NAV1: variants seen among roughly 807,000 people sequenced by gnomAD.
The protein encoded by NAV1 is neuron navigator 1, also known as pore membrane and/or filament interacting like protein 3.
A neutral mutation model predicts 175.2 loss-of-function variants in NAV1; 18 were observed. That is an observed-to-expected ratio of 0.10 (90% confidence interval 0.07 to 0.15). NAV1 has a LOEUF of 0.15. NAV1 is among the 10% of genes least tolerant of loss of function. The probability of loss-of-function intolerance (pLI) is 1.00; values close to 1 mark genes in which losing one functional copy is unlikely to be tolerated. For synonymous variants in NAV1, 897 were observed against 978.7 expected (o/e 0.92, Z 1.56); for missense variants, 1,731 against 2,436.6 (o/e 0.71, Z 6.10).
chr1:201,563,208 C>T lies in NAV1; in HGVS notation c.-144+23866C>T, dbSNP rs570510853. On this transcript the variant is annotated intron_variant, in intron 1 of 33. Coordinates refer to the NAV1 transcript ENST00000685211. ...ACTCAGGGCTAGCTGCCCCTGGTCA[C>T]GCTCCCCCTGTGCATCCGCGGCAGC... Among the ~76,000 whole-genome samples, 206 of 152,242 alleles carry T rather than the reference C, an allele frequency of 1.4e-3. 1 individual carries two copies. The highest frequency in any genetic ancestry group is 4.7e-3 in the African/African-American group (194 of 41,528).
At chr1:201,623,985 T>C (rs1196271483) in intron 1 of NAV1, among the ~76,000 whole-genome samples, 1 of 152,234 alleles carries the variant, frequency 6.6e-6, no homozygotes, top group Non-Finnish European at 1.5e-5. Flanking sequence ...ACCCAATTCA[T>C]TGTGGGACAT....
intron 8 of NAV1, among the ~76,000 whole-genome samples, chr1:201,785,778 A>G (rs1676697150): frequency 1.4e-5 from 2 of 143,508 alleles, no homozygotes; most frequent in South Asian, 4.4e-4. Context: ...TTGGGTGGCA[A>G]CTATTGCAAC....
Position 201,777,266 on chromosome 1 carries a change from G to A in NAV1, c.1227-3155G>A, listed in dbSNP as rs180764096. Among the ~76,000 whole-genome samples the A allele has an allele frequency of 1.1e-3, 165 of 152,240 alleles. 1 individual carries two copies. Among genetic ancestry groups the A allele is most frequent in the Non-Finnish European group, 1.4e-3 (97 of 68,012 alleles). ...ATCGCCAGGATAATGAAGTGTGGTC[G>A]CATAATGTCAACTATTCAGCAGATC... is the stretch of plus-strand genomic sequence containing the variant. On this transcript the variant is annotated intron_variant, in intron 3 of 29. Coordinates refer to ENST00000367296, the Ensembl canonical transcript of NAV1.
intron 15 of NAV1, chr1:201,795,352 C>T (rs1571501085): frequency 1.3e-5 from 2 of 152,292 alleles, no homozygotes; most frequent in South Asian, 4.1e-4. Context: ...TTATTTGTCT[C>T]CATTTTGTTG....
intron 8 of NAV1, 52 bp downstream of exon 12, chr1:201,785,403 A>G (rs767074145): frequency 6.4e-7 from 1 of 1,554,950 alleles, no homozygotes; most frequent in Non-Finnish European, 8.8e-7. Flanking sequence ...GCTGGTATGT[A>G]TGAAAAATCA....
At chr1:201,742,176 C>T (rs1018180774) in intron 3 of NAV1, among the ~76,000 whole-genome samples, 1 of 152,176 alleles carries the variant, frequency 6.6e-6, no homozygotes, top group African/African-American at 2.4e-5. Flanking sequence ...GGAGCTTAGC[C>T]CAAGCCTTTG....
chr1:201,630,150 A>C (rs1288045343), intron 2 of NAV1, among the ~76,000 whole-genome samples: 1 of 152,230 alleles, frequency 6.6e-6, no homozygotes, highest in East Asian at 1.9e-4. Context: ...ACCATAGGTC[A>C]GGCCCTAAGT....
chr1:201,729,830 C>A (rs1402802714), intron 3 of NAV1, among the ~76,000 whole-genome samples: 1 of 151,770 alleles, frequency 6.6e-6, no homozygotes, highest in South Asian at 2.1e-4. Flanking sequence ...GGCGTGAACC[C>A]GGGAGGTGGA....
At chr1:201,650,623 C>T (rs933225417) in intron 1 of NAV1, among the ~76,000 whole-genome samples, 1 of 152,194 alleles carries the variant, frequency 6.6e-6, no homozygotes, top group South Asian at 2.1e-4. Flanking sequence ...GCTCGCCGGG[C>T]GGCCCTGGAG....
intron 1 of NAV1, chr1:201,688,436 A>T (rs982644969): frequency 1.3e-5 from 2 of 152,248 alleles, no homozygotes; most frequent in African/African-American, 4.8e-5. Flanking sequence ...AGAGTGAAGA[A>T]GATGATCTGG....
At chr1:201,595,673 T>A (rs1207993262) in intron 2 of NAV1, among the ~76,000 whole-genome samples, 1 of 152,244 alleles carries the variant, frequency 6.6e-6, no homozygotes, top group Non-Finnish European at 1.5e-5. Context: ...TCTGGGAATT[T>A]CAGTTGGGTT....
chr1:201,677,678 A>G (rs747990393), intron 1 of NAV1, among the ~76,000 whole-genome samples: 1 of 152,168 alleles, frequency 6.6e-6, no homozygotes, highest in Non-Finnish European at 1.5e-5. Context: ...CCCAGGCTGA[A>G]GTGCAGTGGC....
chr1:201,677,935 C>T (rs1422133170), intron 1 of NAV1, among the ~76,000 whole-genome samples: 1 of 152,056 alleles, frequency 6.6e-6, no homozygotes, highest in Admixed American at 6.6e-5. Context: ...CGGCCAAACT[C>T]ACCTTCCTAA....
In NAV1 at chr1:201,782,239, G is replaced by C. The variant is rs759712759; in HGVS notation, c.1727G>C (p.Arg576Pro). 1 of 1,613,764 alleles carries C rather than the reference G, an allele frequency of 6.2e-7. No individual in the cohort carries two copies. Among genetic ancestry groups the C allele is most frequent in the Admixed American group, 1.7e-5 (1 of 59,954 alleles). The change falls in exon 6 of 30, where the codon CGC becomes CCC. Residue 576 changes from arginine to proline, a missense_variant. Transcript: ENST00000367296. The surrounding 1 kb of genome is among the most constrained non-coding windows in gnomAD (Gnocchi z 5.4). ...GCAGTGAAGAATACTGGGCTCCAACGCTCCTCCTCTGATGCTGGTCGGGAC... is the reference window on the plus strand; with the variant it reads ...GCAGTGAAGAATACTGGGCTCCAACCCTCCTCCTCTGATGCTGGTCGGGAC...
intron 1 of NAV1, among the ~76,000 whole-genome samples, chr1:201,545,264 T>C (rs1571813033): frequency 6.6e-6 from 1 of 152,340 alleles, no homozygotes; most frequent in Middle Eastern, 3.4e-3. Context: ...AAAGAGTGAT[T>C]GCATGAATCA....
intron 1 of NAV1, among the ~76,000 whole-genome samples, chr1:201,561,540 T>A (rs1282115100): frequency 1.3e-5 from 2 of 152,258 alleles, no homozygotes; most frequent in African/African-American, 4.8e-5. Flanking sequence ...GTATAGTAGC[T>A]GGCATATGCT....
intron 2 of NAV1, among the ~76,000 whole-genome samples, chr1:201,638,760 G>A (rs1668673041): frequency 6.6e-6 from 1 of 151,410 alleles, no homozygotes; most frequent in African/African-American, 2.4e-5. Context: ...GATAATGACA[G>A]CCCCTGCTTC....
rs1008694101 is a variant in NAV1 at position 201,787,141 on chromosome 1, T to G, written c.2995+564T>G. Among the ~76,000 whole-genome samples the G allele has an allele frequency of 5.9e-5, 9 of 152,060 alleles. No homozygotes were observed. Among genetic ancestry groups the G allele is most frequent in the African/African-American group, 1.9e-4 (8 of 41,396 alleles). ...CTAAAGCCTAGGGAGAAAGGAGAGCTAGGAAATAAGGAAGTGACTTAGAGA... is the reference window on the plus strand; with the variant it reads ...CTAAAGCCTAGGGAGAAAGGAGAGCGAGGAAATAAGGAAGTGACTTAGAGA... On this transcript the variant is annotated intron_variant, in intron 9 of 29. Coordinates refer to ENST00000367296, the Ensembl canonical transcript of NAV1. This position sits in a 1 kb window ranked among gnomAD's most constrained non-coding sequence, Gnocchi z 4.3.
chr1:201,543,955 C>A (rs577230093), intron 1 of NAV1, among the ~76,000 whole-genome samples: 1 of 152,334 alleles, frequency 6.6e-6, no homozygotes, highest in Non-Finnish European at 1.5e-5. Context: ...TTCCTGTCTT[C>A]CAGTTTCCCA....
Sources: gnomAD v4.1 joint callset for allele counts (sites outside exome capture counted in the v4.1 genomes callset) on GRCh38, gnomAD v4.1.1 for gene constraint, Gnocchi (gnomAD v3.1) non-coding constraint, MANE v1.5 for transcripts, NCBI Gene and HGNC (gene_info 2026-07-23, HGNC 2026-07-21) for gene names.